The following PDE1A variants were observed in gnomAD, a reference collection of about 807,000 sequenced individuals.
PDE1A encodes the protein phosphodiesterase 1A.
A neutral mutation model predicts 61.7 loss-of-function variants in PDE1A; 35 were observed. That is an observed-to-expected ratio of 0.57 (90% CI 0.43 to 0.75). The LOEUF (loss-of-function observed/expected upper bound fraction) is 0.75. Ranked by LOEUF, PDE1A falls within the 30% of genes least tolerant of loss-of-function variation. The pLI is 0.00. For missense variants in PDE1A, 597 were observed against 630.6 expected (o/e 0.95, Z 0.57); for synonymous variants, 232 against 213.2 (o/e 1.09, Z -0.77).
intron 1 of PDE1A, among the ~76,000 whole-genome samples, chr2:182,366,027 T>C (rs1699820198): frequency 6.6e-6 from 1 of 152,058 alleles, no homozygotes; most frequent in South Asian, 2.1e-4. Context: ...GATGTTCATC[T>C]GGCAATAAAC....
chr2:182,536,597 T>C, the PDE1A span, among the ~76,000 whole-genome samples: 1 of 152,150 alleles, frequency 6.6e-6, no homozygotes, highest in African/African-American at 2.4e-5. Context: ...AAGTCTGCAC[T>C]GGAGAAAGAA....
At chr2:182,435,379 A>G (rs775232068) in intron 2 of PDE1A, among the ~76,000 whole-genome samples, 6 of 152,036 alleles carry the variant, frequency 3.9e-5, no homozygotes, top group Non-Finnish European at 5.9e-5. Flanking sequence ...ATGAATAGAT[A>G]TTCAACTAGC....
intron 2 of PDE1A, among the ~76,000 whole-genome samples, chr2:182,451,866 C>CCTCT (rs1366249856): frequency 1.3e-5 from 2 of 152,108 alleles, no homozygotes; most frequent in Non-Finnish European, 2.9e-5. Flanking sequence ...CCTCCAAGCA[C>CCTCT]CTCTGCTTTC....
chr2:182,275,502 G>A (rs1187586281), intron 1 of PDE1A, among the ~76,000 whole-genome samples: 2 of 152,058 alleles, frequency 1.3e-5, no homozygotes, highest in Non-Finnish European at 2.9e-5. Context: ...GTGTCAGAAA[G>A]TTTTTCTTGA....
chr2:182,706,639 G>A, the PDE1A span, among the ~76,000 whole-genome samples: 23 of 151,844 alleles, frequency 1.5e-4, no homozygotes, highest in African/African-American at 5.1e-4. Flanking sequence ...TTCATATTCT[G>A]GCTACCAAAT....
chr2:182,361,918 T>G (rs540466596), intron 1 of PDE1A, among the ~76,000 whole-genome samples: 1 of 152,046 alleles, frequency 6.6e-6, no homozygotes, highest in African/African-American at 2.4e-5. Flanking sequence ...ATTGAGGACA[T>G]AGCAGTGGCC....
At chr2:182,429,537 C>T (rs1257697368), upstream of PDE1A, among the ~76,000 whole-genome samples, 2 of 151,982 alleles carry the variant, frequency 1.3e-5, no homozygotes, top group Non-Finnish European at 2.9e-5. Flanking sequence ...TAGTCTAACA[C>T]GTTCACACAC....
rs185176601 is a variant in PDE1A at position 182,440,668 on chromosome 2, A to G, written c.101+81608T>C. Among the ~76,000 whole-genome samples the G allele has an allele frequency of 1.0e-3, 154 of 152,236 alleles. 2 individuals are homozygous for G. The highest frequency in any genetic ancestry group is 3.6e-3 in the African/African-American group (149 of 41,580). On this transcript the variant is annotated intron_variant, in intron 2 of 14. Transcript: ENST00000410103. ...AAACTTAAGGCATATTCTCAATATTATAATTGGATTTTTCCAAATTATCCA... is the reference window on the plus strand; with the variant it reads ...AAACTTAAGGCATATTCTCAATATTGTAATTGGATTTTTCCAAATTATCCA...
At chr2:182,236,202 A>AT (rs1689997411) in intron 3 of PDE1A, among the ~76,000 whole-genome samples, 1 of 152,204 alleles carries the variant, frequency 6.6e-6, no homozygotes, top group East Asian at 1.9e-4. Context: ...CTATTGAAAG[A>AT]TTTTAGAACA....
intron 1 of PDE1A, among the ~76,000 whole-genome samples, chr2:182,280,912 A>G (rs1454637167): frequency 6.6e-6 from 1 of 151,856 alleles, no homozygotes; most frequent in Non-Finnish European, 1.5e-5. Context: ...GATGTACCTA[A>G]ATAACTGCAC....
At chr2:182,712,254 G>C in the PDE1A span, among the ~76,000 whole-genome samples, 2 of 152,198 alleles carry the variant, frequency 1.3e-5, no homozygotes, top group South Asian at 2.1e-4. Context: ...TGAAATATCA[G>C]GACACTAAAT....
chr2:182,502,378 ATTGT>A (rs1689135916), intron 2 of PDE1A, among the ~76,000 whole-genome samples: 1 of 151,610 alleles, frequency 6.6e-6, no homozygotes, highest in African/African-American at 2.4e-5. Flanking sequence ...CTGTGTCTCC[ATTGT>A]TTTTCTTACT....
chr2:182,389,493 AT>A (rs1701299064), intron 1 of PDE1A, among the ~76,000 whole-genome samples: 1 of 152,258 alleles, frequency 6.6e-6, no homozygotes, highest in Non-Finnish European at 1.5e-5. Flanking sequence ...TATTAAAAAA[AT>A]ACTTAATATC....
chr2:182,649,655 G>T, the PDE1A span, among the ~76,000 whole-genome samples: 20 of 151,094 alleles, frequency 1.3e-4, no homozygotes, highest in African/African-American at 4.4e-4. Flanking sequence ...TTTTCACCCA[G>T]GCTTGATTGC....
the PDE1A span, among the ~76,000 whole-genome samples, chr2:182,624,000 C>G: frequency 6.6e-6 from 1 of 151,618 alleles, no homozygotes; most frequent in Non-Finnish European, 1.5e-5. Context: ...TGGCGGGCGC[C>G]TGTAGTCCCA....
the PDE1A span, among the ~76,000 whole-genome samples, chr2:182,629,653 T>C: frequency 7.2e-5 from 11 of 152,322 alleles, no homozygotes; most frequent in Middle Eastern, 0.017. Context: ...ATGGTATTAA[T>C]GTGCTATTAT....
intron 1 of PDE1A, among the ~76,000 whole-genome samples, chr2:182,293,202 A>G (rs527891816): frequency 4.6e-5 from 7 of 152,250 alleles, no homozygotes; most frequent in Non-Finnish European, 7.4e-5. Context: ...AGAACCCTGG[A>G]TCCTCTAGAA....
intron 1 of PDE1A, among the ~76,000 whole-genome samples, chr2:182,327,837 G>A (rs532652967): frequency 7.9e-5 from 12 of 152,314 alleles, no homozygotes; most frequent in African/African-American, 2.6e-4. Flanking sequence ...CTTTTTCTAA[G>A]TAGAAAAGAT....
chr2:182,674,550 C>G, the PDE1A span, among the ~76,000 whole-genome samples: 1 of 144,354 alleles, frequency 6.9e-6, no homozygotes, highest in Non-Finnish European at 1.5e-5. Flanking sequence ...TATTGAATCA[C>G]ATTTATTAAT....
Sources: allele counts gnomAD v4.1 joint callset (sites outside exome capture counted in the v4.1 genomes callset), GRCh38; gene constraint gnomAD v4.1.1; transcripts MANE v1.5; gene names NCBI Gene and HGNC (gene_info 2026-07-23, HGNC 2026-07-21).